ASH1L: variants seen among roughly 807,000 people sequenced by gnomAD.
The protein encoded by ASH1L is ASH1 like histone lysine methyltransferase.
In ASH1L, 23 loss-of-function variants were observed where a neutral mutation model predicts 269.0. The ratio of observed to expected loss-of-function variants is 0.09; its 90% CI spans 0.06 to 0.12. ASH1L has a LOEUF of 0.12. Ranked by LOEUF, ASH1L falls within the 10% of genes least tolerant of loss-of-function variation. ASH1L has a pLI of 1.00. For synonymous variants in ASH1L, 1,187 were observed against 1,253.5 expected, an observed-to-expected ratio of 0.95 and a Z score of 1.12; for missense variants, 2,912 against 3,567.8, an observed-to-expected ratio of 0.82 and a Z score of 4.68.
intron 4 of ASH1L, among the ~76,000 whole-genome samples, chr1:155,443,774 C>T (rs1334858168): frequency 6.6e-6 from 1 of 152,110 alleles, no homozygotes; most frequent in East Asian, 1.9e-4. Flanking sequence ...TTTTACTGTT[C>T]CTTTTTACTA....
chr1:155,468,228 A>AT (rs139732735), intron 3 of ASH1L, among the ~76,000 whole-genome samples: 75,929 of 127,040 alleles, frequency 0.6, 21,132 homozygotes, highest in Non-Finnish European at 0.7. Flanking sequence ...TATTATTATT[A>AT]TTATTTTTTT....
intron 3 of ASH1L, among the ~76,000 whole-genome samples, chr1:155,473,492 ATTTT>A (rs774259211): frequency 7.8e-6 from 1 of 127,708 alleles, no homozygotes; most frequent in South Asian, 2.5e-4. Flanking sequence ...TAGTATTTCT[ATTTT>A]TTTTTTTTTT....
At chr1:155,349,130 C>T (rs186555886) in intron 19 of ASH1L, among the ~76,000 whole-genome samples, 197 bp downstream of exon 19, 16 of 152,088 alleles carry the variant, frequency 1.1e-4, no homozygotes, top group African/African-American at 3.6e-4. Context: ...ACCTTCCATT[C>T]TAGTCCTATC....
chr1:155,411,546 G>GAT (rs1479223852), intron 6 of ASH1L, among the ~76,000 whole-genome samples: 2 of 123,030 alleles, frequency 1.6e-5, no homozygotes, highest in East Asian at 2.8e-4. Flanking sequence ...GTGGTCTTAT[G>GAT]ATATATATAA....
chr1:155,417,541 T>C (rs553769991), intron 5 of ASH1L, among the ~76,000 whole-genome samples: 3 of 152,328 alleles, frequency 2.0e-5, no homozygotes, highest in Non-Finnish European at 4.4e-5. Flanking sequence ...TCACACATGA[T>C]GGCAGATACT....
Position 155,343,914 on chromosome 1 carries a change from A to G in ASH1L, c.7982-172T>C, listed in dbSNP as rs1653014814. The stretch of plus-strand genomic sequence containing the variant: ...ATGATAATCAATTCTAGACTATGAC[A>G]ATAATATAAGGGAGGCATTCCATTT... On this transcript the variant is annotated intron_variant, in intron 22 of 27. Transcript: ENST00000392403. This position sits in a 1 kb window ranked among gnomAD's most constrained non-coding sequence, Gnocchi z 6.1. Among the ~76,000 whole-genome samples, 1 of 152,230 alleles carries G rather than the reference A, an allele frequency of 6.6e-6. No individual in the cohort carries two copies. Among genetic ancestry groups the G allele is most frequent in the Non-Finnish European group, 1.5e-5 (1 of 68,036 alleles).
chr1:155,343,139 G>T lies in ASH1L; in HGVS notation c.8293+175C>A. 1 of 625,760 alleles carries T rather than the reference G, an allele frequency of 1.6e-6. No individual in the cohort carries two copies. The highest frequency in any genetic ancestry group is 2.7e-6 in the Non-Finnish European group (1 of 368,508). 38.8% of individuals were successfully genotyped at this position (625,760 alleles called of 1,614,324 possible). On this transcript the variant is annotated intron_variant, in intron 24 of 27. Transcript: ENST00000392403. This position sits in a 1 kb window ranked among gnomAD's most constrained non-coding sequence, Gnocchi z 6.1. ...AATCCTCCCAGTAGTTGGGACTACA[G>T]GCCTACACTGCCATGCCCAGCTACA...
intron 4 of ASH1L, among the ~76,000 whole-genome samples, chr1:155,443,059 T>C (rs1217777362): frequency 1.3e-5 from 2 of 152,224 alleles, no homozygotes; most frequent in African/African-American, 4.8e-5. Context: ...GTTTGGTCCA[T>C]TAACGCGGTG....
intron 2 of ASH1L, among the ~76,000 whole-genome samples, chr1:155,504,582 G>C (rs112164708): frequency 1.6e-3 from 242 of 152,196 alleles, no homozygotes; most frequent in African/African-American, 5.7e-3. Flanking sequence ...GGCTGGGCGC[G>C]GTGGCTCAGG....
intron 8 of ASH1L, among the ~76,000 whole-genome samples, chr1:155,379,837 ACTG>A (rs1324647738): frequency 1.3e-5 from 2 of 152,222 alleles, no homozygotes; most frequent in African/African-American, 2.4e-5. Context: ...GCAGGAACTT[ACTG>A]CTATTTTGCA....
intron 2 of ASH1L, among the ~76,000 whole-genome samples, chr1:155,495,255 T>C (rs911328763): frequency 1.3e-5 from 2 of 152,210 alleles, no homozygotes; most frequent in Admixed American, 6.5e-5. Flanking sequence ...ACAATGGGGA[T>C]AAATTCTAAG....
chr1:155,453,112 T>TG (rs1369170339), intron 4 of ASH1L, among the ~76,000 whole-genome samples: 1 of 151,840 alleles, frequency 6.6e-6, no homozygotes, highest in Non-Finnish European at 1.5e-5. Flanking sequence ...CCCAGCACTT[T>TG]GGGGGGCCGA....
intron 6 of ASH1L, chr1:155,397,097 A>C (rs561173835): frequency 6.7e-6 from 1 of 150,122 alleles, no homozygotes; most frequent in African/African-American, 2.4e-5. Flanking sequence ...ACTGCACTCC[A>C]GCCTGAGTGA....
chr1:155,390,427 C>T (rs182396545), intron 7 of ASH1L, among the ~76,000 whole-genome samples: 656 of 152,190 alleles, frequency 4.3e-3, no homozygotes, highest in Non-Finnish European at 6.6e-3. Flanking sequence ...AGAAGTAATA[C>T]CAGTCTTCCA....
At chr1:155,439,541 T>C (rs1473009045) in intron 4 of ASH1L, among the ~76,000 whole-genome samples, 2 of 151,774 alleles carry the variant, frequency 1.3e-5, no homozygotes, top group Non-Finnish European at 2.9e-5. Context: ...CTACAAACAA[T>C]ATAAAAAAAT....
chr1:155,506,142 T>C (rs538719445), intron 2 of ASH1L, among the ~76,000 whole-genome samples: 1 of 152,338 alleles, frequency 6.6e-6, no homozygotes, highest in Non-Finnish European at 1.5e-5. Context: ...TCCAGCTTCA[T>C]CTATGTCCCT....
chr1:155,551,386 C>T (rs531078260), intron 1 of ASH1L, among the ~76,000 whole-genome samples: 5 of 152,092 alleles, frequency 3.3e-5, no homozygotes, highest in Admixed American at 6.6e-5. Context: ...TACGGCCGGG[C>T]GCAGTGGCTC....
intron 6 of ASH1L, among the ~76,000 whole-genome samples, chr1:155,398,538 G>A (rs1039425558): frequency 3.9e-5 from 6 of 152,098 alleles, no homozygotes; most frequent in African/African-American, 7.2e-5. Context: ...ATAGTATAGA[G>A]TACTTACCAT....
At chr1:155,431,750 A>T (rs1433411026) in intron 5 of ASH1L, among the ~76,000 whole-genome samples, 1 of 152,048 alleles carries the variant, frequency 6.6e-6, no homozygotes, top group Non-Finnish European at 1.5e-5. Flanking sequence ...GGGACGCAGC[A>T]AGACCCTGTC....
Sources: gnomAD v4.1 joint callset for allele counts (sites outside exome capture counted in the v4.1 genomes callset) on GRCh38, gnomAD v4.1.1 for gene constraint, Gnocchi (gnomAD v3.1) non-coding constraint, MANE v1.5 for transcripts, NCBI Gene and HGNC (gene_info 2026-07-23, HGNC 2026-07-21) for gene names.